The following KIAA1549 variants were observed in gnomAD, a reference collection of about 807,000 sequenced individuals.
KIAA1549 encodes UPF0606 protein KIAA1549.
In KIAA1549, 70 loss-of-function variants were observed where a neutral mutation model predicts 156.4. The ratio of observed to expected loss-of-function variants is 0.45; its 90% CI spans 0.37 to 0.55. The LOEUF is 0.55. Ranked by LOEUF, KIAA1549 falls within the 20% of genes least tolerant of loss-of-function variation. The pLI is 0.00. For missense variants in KIAA1549, 2,428 were observed against 2,540.9 expected, an observed-to-expected ratio of 0.96 and a Z score of 0.96; for synonymous variants, 1,103 against 1,066.4, an observed-to-expected ratio of 1.03 and a Z score of -0.67.
At chr7:138,871,020 T>C (rs1810913705) in intron 13 of KIAA1549, 137 bp downstream of exon 13, 2 of 719,464 alleles carry the variant, frequency 2.8e-6, no homozygotes, top group East Asian at 2.8e-5. Flanking sequence ...TTTCACCATG[T>C]TGGCCAGGCT....
chr7:138,892,129 C>A (rs1030251197), intron 10 of KIAA1549, among the ~76,000 whole-genome samples: 1 of 152,132 alleles, frequency 6.6e-6, no homozygotes, highest in African/African-American at 2.4e-5. Flanking sequence ...GTCTTTGCAG[C>A]CCTGAAGGAA....
At chr7:138,942,228 T>C (rs1813205397) in intron 1 of KIAA1549, among the ~76,000 whole-genome samples, 1 of 152,110 alleles carries the variant, frequency 6.6e-6, no homozygotes, top group Non-Finnish European at 1.5e-5. Flanking sequence ...AATTTCCAGA[T>C]TATCATTCTT....
chr7:138,960,835 C>G (rs1304316288), intron 1 of KIAA1549, among the ~76,000 whole-genome samples: 1 of 152,168 alleles, frequency 6.6e-6, no homozygotes. Context: ...GTGGTGTCTT[C>G]CGGATTTTCC....
chr7:138,937,996 A>G (rs1288380135), intron 1 of KIAA1549, among the ~76,000 whole-genome samples: 4 of 152,136 alleles, frequency 2.6e-5, no homozygotes, highest in African/African-American at 7.2e-5. Context: ...TATAGTCTGA[A>G]TATTTGTGTC....
chr7:138,934,603 G>A (rs115066347), intron 1 of KIAA1549, among the ~76,000 whole-genome samples: 1,793 of 152,136 alleles, frequency 0.012, 42 homozygotes, highest in African/African-American at 0.041. Flanking sequence ...TGCAGGCCTC[G>A]GGCCGCATCC....
chr7:138,918,896 G>A lies in KIAA1549; in HGVS notation c.730C>T (p.Pro244Ser). 2 of 1,614,020 alleles carry A rather than the reference G, an allele frequency of 1.2e-6. No homozygotes were observed. The highest frequency in any genetic ancestry group is 1.1e-5 in the South Asian group (1 of 91,080). ...SAFRTSEGIV[P>S]TPGRNLVLYP... ...AGCACCAAATTCCTGCCAGGAGTTG[G>A]AACGATGCCCTCAGAGGTGCGAAAA... The change falls in exon 2 of 20, where the codon CCA (proline) becomes TCA (serine). Residue 244 changes from proline (P) to serine (S), a missense_variant. Physicochemically the swap from Pro to Ser is moderately conservative, Grantham distance 74 (BLOSUM62 -1). Coordinates refer to ENST00000422774, the MANE Select transcript of KIAA1549 (RefSeq NM_001164665.2). This position sits in a 1 kb window ranked among gnomAD's most constrained non-coding sequence, Gnocchi z 4.2.
chr7:138,904,444 C>G (rs1479991397), intron 7 of KIAA1549, among the ~76,000 whole-genome samples: 2 of 152,174 alleles, frequency 1.3e-5, no homozygotes, highest in African/African-American at 4.8e-5. Flanking sequence ...GCAGGAACCC[C>G]GTGAATGGCA....
rs1563070811 is a variant in KIAA1549 at position 138,903,858 on chromosome 7, C to CACGT, written c.3521-123_3521-122insACGT. ...GTGTGTGTGTGTGTGTGTGTGCGCGCGCGCGCGCGCGCACATATGTATTTG... is the reference window on the plus strand; with the variant it reads ...GTGTGTGTGTGTGTGTGTGTGCGCGCACGTGCGCGCGCGCGCACATATGTATTTG... On this transcript the variant is annotated intron_variant, in intron 7 of 19. Transcript: ENST00000422774. 4.0e-5 allele frequency: 25 copies of CACGT among 620,262 alleles called. 1 individual carries two copies. Among genetic ancestry groups the CACGT allele is most frequent in the Admixed American group, 1.2e-4 (3 of 24,472 alleles). The allele number at this position is 620,262 out of a possible 1,614,324, so 38.4% of individuals were successfully genotyped here. A position where few individuals can be genotyped will look rare whatever the true frequency, so the allele number is the denominator to read the frequency against.
At position 138,981,144 on chromosome 7, in the gene KIAA1549, C is replaced by A. The variant is rs1481682170; in HGVS notation, c.126G>T (p.Pro42=). ...GCCAGAGGCCAGGAAGCAGCAGCCC[C>A]GGGCGGCGGCGGCGGGCGCAGCGGG... The part of the protein sequence containing the change: ...PSARCARRRR[P]GLLLPGLWLL... The change falls in exon 1 of 20, where the codon CCG becomes CCT. Residue 42 remains proline, a synonymous_variant. Coordinates refer to ENST00000422774, the MANE Select transcript of KIAA1549 (RefSeq NM_001164665.2). The surrounding 1 kb of genome is among the most constrained non-coding windows in gnomAD (Gnocchi z 4.5). 5.8e-6 allele frequency: 7 copies of A among 1,205,892 alleles called. No individual in the cohort carries two copies. Among genetic ancestry groups the A allele is most frequent in the Non-Finnish European group, 6.2e-6 (6 of 971,294 alleles). 74.7% of individuals were successfully genotyped at this position (1,205,892 alleles called of 1,614,324 possible). A position where few individuals can be genotyped will look rare whatever the true frequency, so the allele number is the denominator to read the frequency against.
chr7:138,960,064 G>A (rs542004164), intron 1 of KIAA1549, among the ~76,000 whole-genome samples: 1 of 152,228 alleles, frequency 6.6e-6, no homozygotes, highest in African/African-American at 2.4e-5. Context: ...GGCTGACCGG[G>A]CCACTGAGGT....
chr7:138,947,322 A>T (rs1296139966), intron 1 of KIAA1549, among the ~76,000 whole-genome samples: 1 of 152,164 alleles, frequency 6.6e-6, no homozygotes, highest in Non-Finnish European at 1.5e-5. Context: ...TACATCACTT[A>T]ATTTCCCCAA....
At chr7:138,883,289 A>G (rs1364418383) in intron 10 of KIAA1549, among the ~76,000 whole-genome samples, 1 of 148,096 alleles carries the variant, frequency 6.8e-6, no homozygotes. Flanking sequence ...AAAAAAAAAA[A>G]GCCATTTGTT....
At chr7:138,963,621 CA>C (rs1480930441) in intron 1 of KIAA1549, among the ~76,000 whole-genome samples, 1 of 152,022 alleles carries the variant, frequency 6.6e-6, no homozygotes, top group African/African-American at 2.4e-5. Flanking sequence ...TATGAAGAAC[CA>C]AAAAGGCTCA....
rs377268089 is a variant in KIAA1549 at position 138,918,937 on chromosome 7, T to G, written c.689A>C (p.His230Pro). ...GGTGCGAAAAGCTGACCGAAAGGTG[T>G]GGAAATGACTGGCGGACTCAGCATA... Reference protein sequence around the residue: ...AAYAESASHFHTFRSAFRTSE... With the variant: ...AAYAESASHFPTFRSAFRTSE... The change falls in exon 2 of 20, where the codon CAC (histidine) becomes CCC (proline). Residue 230 changes from histidine (H) to proline (P), a missense_variant. Physicochemically the swap from His to Pro is moderately conservative, Grantham distance 77 (BLOSUM62 -2). This residue lies in a region of KIAA1549 where 893 missense variants were observed against 847.9 expected (regional missense o/e 1.05). Transcript: ENST00000422774. This position sits in a 1 kb window ranked among gnomAD's most constrained non-coding sequence, Gnocchi z 4.2. 80 of 1,613,870 alleles carry G rather than the reference T, an allele frequency of 5.0e-5. No individual in the cohort carries two copies. Among genetic ancestry groups the G allele is most frequent in the Non-Finnish European group, 6.6e-5 (78 of 1,179,886 alleles).
chr7:138,942,736 C>T (rs1813219859), intron 1 of KIAA1549, among the ~76,000 whole-genome samples: 1 of 151,970 alleles, frequency 6.6e-6, no homozygotes, highest in Admixed American at 6.6e-5. Context: ...TGGTGAAACC[C>T]CATCTCTACT....
chr7:138,844,787 T>C (rs1418169648), intron 17 of KIAA1549, among the ~76,000 whole-genome samples: 1 of 151,642 alleles, frequency 6.6e-6, no homozygotes, highest in African/African-American at 2.4e-5. Context: ...CTGCATCACC[T>C]GGCGGGCCCG....
At chr7:138,840,604 G>A (rs1465300862) in intron 18 of KIAA1549, among the ~76,000 whole-genome samples, 3 of 152,094 alleles carry the variant, frequency 2.0e-5, no homozygotes, top group South Asian at 2.1e-4. Context: ...TCTTGACCCC[G>A]TGACATTCAT....
In KIAA1549 at chr7:138,874,472, T is replaced by C. The variant is rs115642517; in HGVS notation, c.4346-3110A>G. Among the ~76,000 whole-genome samples, 851 of 152,234 alleles carry C rather than the reference T, an allele frequency of 5.6e-3. 7 individuals carry two copies. Among genetic ancestry groups the C allele is most frequent in the African/African-American group, 0.019 (806 of 41,568 alleles). On this transcript the variant is annotated intron_variant, in intron 12 of 19. Coordinates refer to ENST00000422774, the MANE Select transcript of KIAA1549 (RefSeq NM_001164665.2). ...AGCCATTTCACAATGCATACACATA[T>C]CAAAACATCATCATTTAGCCACAAG... is the stretch of plus-strand genomic sequence containing the variant.
At position 138,930,561 on chromosome 7, in the gene KIAA1549, C is replaced by T. The variant is rs147398580; in HGVS notation, c.188-11123G>A. 3.8e-3 allele frequency among the ~76,000 whole-genome samples: 584 copies of T among 152,322 alleles called. 4 individuals carry two copies. Among genetic ancestry groups the T allele is most frequent in the African/African-American group, 0.014 (569 of 41,566 alleles). ...CTGTTACACCTTGTACTTCTATGTA[C>T]GGAGAAGCTTCTTTCCTTAAATCTC... On this transcript the variant is annotated intron_variant, in intron 1 of 19. Coordinates refer to ENST00000422774, the MANE Select transcript of KIAA1549 (RefSeq NM_001164665.2).
Sources: gnomAD v4.1 joint callset for allele counts (sites outside exome capture counted in the v4.1 genomes callset) on GRCh38, gnomAD v4.1.1 for gene constraint, gnomAD v4.1.1 regional missense constraint, Gnocchi (gnomAD v3.1) non-coding constraint, MANE v1.5 for transcripts, NCBI Gene and HGNC (gene_info 2026-07-23, HGNC 2026-07-21) for gene names.